Variants in ANAPC5 observed in about 807,000 individuals in gnomAD.
ANAPC5 encodes the protein anaphase-promoting complex subunit 5.
Under a neutral mutation model 91.3 loss-of-function variants are expected in ANAPC5, and 60 were observed. The ratio of observed to expected loss-of-function variants is 0.66; its 90% CI spans 0.53 to 0.81. The LOEUF is 0.81. Ranked by LOEUF, ANAPC5 falls within the 40% of genes least tolerant of loss-of-function variation. ANAPC5 has a pLI of 0.00. For synonymous variants in ANAPC5, 340 were observed against 364.1 expected (o/e 0.93, Z 0.75); for missense variants, 690 against 931.5 (o/e 0.74, Z 3.37).
At chr12:121,308,715 C>T in intron 16 of ANAPC5, 24 bp from the exon 17 acceptor site, 1 of 1,591,014 alleles carries the variant, frequency 6.3e-7, no homozygotes. Flanking sequence ...GAAAATAACA[C>T]ACACATTTAA....
intron 11 of ANAPC5, among the ~76,000 whole-genome samples, chr12:121,323,533 T>C (rs954449565): frequency 6.6e-6 from 1 of 152,152 alleles, no homozygotes; most frequent in African/African-American, 2.4e-5. Context: ...GGTTTCACCA[T>C]GTTGCATAGG....
intron 13 of ANAPC5, among the ~76,000 whole-genome samples, chr12:121,318,861 A>T (rs1902477725): frequency 6.6e-6 from 1 of 152,104 alleles, no homozygotes; most frequent in Non-Finnish European, 1.5e-5. Flanking sequence ...TCTACTAAAA[A>T]TACAAAAAAT....
chr12:121,328,292 C>A (rs539110690), intron 10 of ANAPC5, 24 bp downstream of exon 10: 26 of 1,611,058 alleles, frequency 1.6e-5, no homozygotes, highest in Non-Finnish European at 2.0e-5. Flanking sequence ...AGAATTCACA[C>A]CCCCAGGGCC....
In ANAPC5 at chr12:121,318,280, C is replaced by T. The variant is rs111724696; in HGVS notation, c.1890G>A (p.Ala630=). ...ATAAAAACAGAGATCGGCTTACCTG[C>T]GCAAAAGCCAAGTTCAGCACTGTTT... ...ASETVLNLAF[A]QLILGIPEQA... is the part of the protein sequence containing the mutation. The change falls in exon 15 of 17, where the codon GCG becomes GCA. Residue 630 remains alanine, a synonymous_variant. Transcript: ENST00000261819. 1.4e-5 allele frequency: 22 copies of T among 1,526,930 alleles called. No homozygotes were observed. The highest frequency in any genetic ancestry group is 5.2e-5 in the South Asian group (4 of 77,556). The allele number at this position is 1,526,930 out of a possible 1,614,324, so 94.6% of individuals were successfully genotyped here.
At chr12:121,317,928 A>G (rs1902435372) in intron 15 of ANAPC5, 1 of 177,746 alleles carries the variant, frequency 5.6e-6, no homozygotes, top group East Asian at 1.5e-4. Context: ...AAAGCTTTCA[A>G]TGAACATCTG....
At position 121,351,154 on chromosome 12, in the gene ANAPC5, T is replaced by C. The variant is rs115307933; in HGVS notation, c.207+980A>G. 181 of 432,378 alleles carry C rather than the reference T, an allele frequency of 4.2e-4. 1 individual carries two copies. Among genetic ancestry groups the C allele is most frequent in the African/African-American group, 3.5e-3 (167 of 48,332 alleles). The allele number at this position is 432,378 out of a possible 1,614,324, so 26.8% of individuals were successfully genotyped here. A position where few individuals can be genotyped will look rare whatever the true frequency, so the allele number is the denominator to read the frequency against. ...TGGGAGACCAGACGGGAGGATTGCT[T>C]GAGTCCAGGAGTTCCCGGCCAGCCT... On this transcript the variant is annotated intron_variant, in intron 1 of 16. Coordinates refer to ENST00000261819, the MANE Select transcript of ANAPC5 (RefSeq NM_016237.5).
intron 5 of ANAPC5, among the ~76,000 whole-genome samples, chr12:121,338,297 A>G (rs1056273836): frequency 2.0e-5 from 3 of 152,082 alleles, no homozygotes; most frequent in Non-Finnish European, 2.9e-5. Context: ...ATGTCATTAT[A>G]GAAAATTATT....
chr12:121,341,199 C>G lies in ANAPC5; in HGVS notation c.657+804G>C, dbSNP rs1903444661. Among the ~76,000 whole-genome samples, 3 of 151,648 alleles carry G rather than the reference C, an allele frequency of 2.0e-5. No homozygotes were observed. In the South Asian group the frequency reaches 6.2e-4, roughly 31 times the overall value. On this transcript the variant is annotated intron_variant, in intron 5 of 16. Coordinates refer to ENST00000261819, the MANE Select transcript of ANAPC5 (RefSeq NM_016237.5). ...ACAAAAAAGAAATGTTTGGGGCACG[C>G]TGGTTCATGTCTGTAATCCCAGCAC... is the stretch of plus-strand genomic sequence containing the variant.
upstream of ANAPC5, among the ~76,000 whole-genome samples, chr12:121,353,994 T>C (rs1903997022): frequency 1.3e-5 from 2 of 151,632 alleles, no homozygotes; most frequent in South Asian, 4.2e-4. Flanking sequence ...AATTTTTTTT[T>C]TTTTTTTTTC....
At chr12:121,310,400 C>T (rs1902115665) in intron 15 of ANAPC5, 1 of 151,684 alleles carries the variant, frequency 6.6e-6, no homozygotes, top group Admixed American at 6.6e-5. Context: ...TCTCAAAAAA[C>T]AAATTTAAAA....
intron 5 of ANAPC5, among the ~76,000 whole-genome samples, chr12:121,339,505 C>G (rs1176955701): frequency 6.6e-6 from 1 of 151,030 alleles, no homozygotes; most frequent in Non-Finnish European, 1.5e-5. Context: ...GAGTCTCGCT[C>G]TGTCGCACAA....
chr12:121,323,320 C>T lies in ANAPC5; in HGVS notation c.1441-2861G>A, dbSNP rs138838921. On this transcript the variant is annotated intron_variant, in intron 11 of 16. Coordinates refer to ENST00000261819, the MANE Select transcript of ANAPC5 (RefSeq NM_016237.5). ...TGACTTTTTTATACTCTTATATTGTCGGGATGTTTATCTTTTTTTTTTGAG... is the reference window on the plus strand; with the variant it reads ...TGACTTTTTTATACTCTTATATTGTTGGGATGTTTATCTTTTTTTTTTGAG... Among the ~76,000 whole-genome samples, 1,064 of 151,880 alleles carry T rather than the reference C, an allele frequency of 7.0e-3. 14 individuals carry two copies. The highest frequency in any genetic ancestry group is 0.024 in the African/African-American group (1,013 of 41,412).
chr12:121,320,353 A>G, intron 12 of ANAPC5, 32 bp downstream of exon 12: 1 of 1,603,808 alleles, frequency 6.2e-7, no homozygotes, highest in Non-Finnish European at 8.5e-7. Flanking sequence ...TTTATCAGAA[A>G]TAAATCTATT....
chr12:121,308,372 T>C lies in ANAPC5; in HGVS notation c.*108A>G, dbSNP rs1440282639. 8 of 835,926 alleles carry C rather than the reference T, an allele frequency of 9.6e-6. No individual in the cohort carries two copies. The African/African-American group carries it at 1.4e-4, about 14-fold the overall frequency. The allele number at this position is 835,926 out of a possible 1,614,324, so 51.8% of individuals were successfully genotyped here. A position where few individuals can be genotyped will look rare whatever the true frequency, so the allele number is the denominator to read the frequency against. On this transcript the variant is annotated 3_prime_UTR_variant, in exon 17 of 17. Transcript: ENST00000261819. ...TAAGACAAACTAATCAGAATGCTGT[T>C]TATTGACAAGATAGGGTGTCACAAA...
intron 7 of ANAPC5, chr12:121,334,484 G>C (rs535124962): frequency 6.6e-6 from 1 of 152,066 alleles, no homozygotes; most frequent in Admixed American, 6.6e-5. Flanking sequence ...CAGGTGGGGG[G>C]GTGAAGGGAT....
chr12:121,309,582 T>C (rs1475170895), intron 16 of ANAPC5, 119 bp downstream of exon 16: 19 of 1,197,842 alleles, frequency 1.6e-5, no homozygotes, highest in Non-Finnish European at 2.2e-5. Flanking sequence ...TAATATATAT[T>C]TGTGAACACT....
At position 121,346,008 on chromosome 12, in the gene ANAPC5, A is replaced by C. The variant is rs1555274644; in HGVS notation, c.421T>G (p.Leu141Val). ...VVGLFLRHMI[L>V]AYSKLSFSQV... ...CTGAAAGAAAGCTTACTGTAGGCCA[A>C]GATCATGTGACGCAGAAACAAACCT... The change falls in exon 4 of 17, where the codon TTG (leucine) becomes GTG (valine). Residue 141 changes from leucine to valine, a missense_variant. By Grantham distance (32) the Leu-to-Val change is conservative. Transcript: ENST00000261819. 6.2e-7 allele frequency: 1 copy of C among 1,606,756 alleles called. No individual in the cohort carries two copies. Among genetic ancestry groups the C allele is most frequent in the Non-Finnish European group, 8.5e-7 (1 of 1,177,768 alleles).
chr12:121,325,538 G>A lies in ANAPC5; in HGVS notation c.1440+1558C>T, dbSNP rs964648324. On this transcript the variant is annotated intron_variant, in intron 11 of 16. Transcript: ENST00000261819. ...AAAAAAGAATTGAACCAAGACTAAG[G>A]TTTTTGAAAAGTAGTTTTCTATTCT... Among the ~76,000 whole-genome samples, 6 of 151,408 alleles carry A rather than the reference G, an allele frequency of 4.0e-5. No individual in the cohort carries two copies. In the East Asian group the frequency reaches 1.2e-3, roughly 29 times the overall value.
chr12:121,352,585 C>T, upstream of ANAPC5: 1 of 458,330 alleles, frequency 2.2e-6, no homozygotes, highest in Non-Finnish European at 3.9e-6. Context: ...CCTACAGAAA[C>T]TTTTGCCGAG....
Sources: allele counts gnomAD v4.1 joint callset (sites outside exome capture counted in the v4.1 genomes callset), GRCh38; gene constraint gnomAD v4.1.1; transcripts MANE v1.5; gene names NCBI Gene and HGNC (gene_info 2026-07-23, HGNC 2026-07-21).